Variants in NEK6 observed in about 807,000 individuals in gnomAD.
NEK6 encodes the protein NIMA related kinase 6, also known as serine/threonine-protein kinase Nek6.
Under a neutral mutation model 43.5 loss-of-function variants are expected in NEK6, and 27 were observed. The ratio of observed to expected loss-of-function variants is 0.62; its 90% CI spans 0.46 to 0.86. NEK6 has a LOEUF of 0.86. NEK6 is among the 40% of genes least tolerant of loss of function. The pLI is 0.00. For missense variants in NEK6, 318 were observed against 414.4 expected, an observed-to-expected ratio of 0.77 and a Z score of 2.02; for synonymous variants, 167 against 164.1, an observed-to-expected ratio of 1.02 and a Z score of -0.14.
intron 7 of NEK6, among the ~76,000 whole-genome samples, chr9:124,336,505 CG>C (rs1829297675): frequency 2.0e-5 from 3 of 152,140 alleles, no homozygotes; most frequent in African/African-American, 7.2e-5. Flanking sequence ...GGCCTCGGCC[CG>C]GTGCCTTCTG....
At chr9:124,320,222 G>A (rs1473786417) in intron 4 of NEK6, among the ~76,000 whole-genome samples, 7 of 152,218 alleles carry the variant, frequency 4.6e-5, no homozygotes, top group Non-Finnish European at 1.0e-4. Context: ...ACAGGCAGTG[G>A]GCGCCATAGC....
intron 7 of NEK6, among the ~76,000 whole-genome samples, chr9:124,332,485 C>T (rs984634161): frequency 2.6e-5 from 4 of 152,130 alleles, no homozygotes; most frequent in African/African-American, 9.7e-5. Context: ...CACTGCTGTC[C>T]CCACCTGCCC....
At chr9:124,270,150 A>G (rs566322161) in intron 1 of NEK6, among the ~76,000 whole-genome samples, 2 of 151,732 alleles carry the variant, frequency 1.3e-5, no homozygotes, top group East Asian at 1.9e-4. Context: ...ATCTGCTGCC[A>G]TTGGTCCTGC....
At chr9:124,294,052 C>A (rs1431328103) in intron 1 of NEK6, among the ~76,000 whole-genome samples, 1 of 152,178 alleles carries the variant, frequency 6.6e-6, no homozygotes, top group East Asian at 1.9e-4. Context: ...GACGGGACTT[C>A]CCCAAGGTCC....
chr9:124,289,205 AC>A (rs1832302787), intron 1 of NEK6, among the ~76,000 whole-genome samples: 1 of 92,450 alleles, frequency 1.1e-5, no homozygotes, highest in African/African-American at 4.4e-5. Context: ...ACACACACAC[AC>A]ACACACACAC....
intron 5 of NEK6, among the ~76,000 whole-genome samples, chr9:124,322,622 C>T (rs1834127044): frequency 6.6e-6 from 1 of 152,238 alleles, no homozygotes; most frequent in Non-Finnish European, 1.5e-5. Flanking sequence ...GAGGTCCTCA[C>T]GTCCCTACTG....
At chr9:124,298,917 C>T (rs1306666621) in intron 1 of NEK6, among the ~76,000 whole-genome samples, 1 of 152,168 alleles carries the variant, frequency 6.6e-6, no homozygotes, top group Non-Finnish European at 1.5e-5. Flanking sequence ...TTCCCGGTCC[C>T]CCTTGCACTG....
At chr9:124,314,467 T>TTGGTAGTGGTGG (rs1833713753) in intron 4 of NEK6, among the ~76,000 whole-genome samples, 1 of 151,876 alleles carries the variant, frequency 6.6e-6, no homozygotes, top group Admixed American at 6.6e-5. Context: ...TTTGGTTTTG[T>TTGGTAGTGGTGG]TGGTAGTGGT....
At chr9:124,258,878 C>T (rs1425171214) in intron 1 of NEK6, among the ~76,000 whole-genome samples, 2 of 152,258 alleles carry the variant, frequency 1.3e-5, no homozygotes, top group African/African-American at 2.4e-5. Context: ...GTGGGCCCCT[C>T]GGCCGGGCAC....
chr9:124,301,938 C>G lies in NEK6; in HGVS notation c.-27C>G. On this transcript the variant is annotated splice_region_variant and 5_prime_UTR_variant, in exon 2 of 10. Transcript: ENST00000320246. ...CAGGCCGCTGTTTTCTGTTGCAGTTCGTGCCCTCGTGAGGCTGGCATGCAG... is the reference window on the plus strand; with the variant it reads ...CAGGCCGCTGTTTTCTGTTGCAGTTGGTGCCCTCGTGAGGCTGGCATGCAG... 6.4e-7 allele frequency: 1 copy of G among 1,573,312 alleles called. No individual in the cohort carries two copies. Among genetic ancestry groups the G allele is most frequent in the Non-Finnish European group, 8.6e-7 (1 of 1,158,440 alleles).
chr9:124,268,882 A>T (rs1831320553), intron 1 of NEK6, among the ~76,000 whole-genome samples: 1 of 152,182 alleles, frequency 6.6e-6, no homozygotes, highest in South Asian at 2.1e-4. Context: ...ATGTTATAAT[A>T]ATCTGATGAC....
chr9:124,344,583 G>A (rs111705394), intron 8 of NEK6, among the ~76,000 whole-genome samples: 21 of 152,372 alleles, frequency 1.4e-4, no homozygotes, highest in African/African-American at 4.1e-4. Context: ...AACAATGCCC[G>A]AGCTTGGGAT....
chr9:124,314,100 TA>T (rs1305527797), intron 4 of NEK6, 115 bp downstream of exon 4: 11 of 912,950 alleles, frequency 1.2e-5, no homozygotes, highest in Non-Finnish European at 5.1e-6. Context: ...CAGCCCCTGC[TA>T]AGTTAACAGA....
intron 3 of NEK6, 28 bp from the exon 4 acceptor site, chr9:124,313,895 T>C (rs2130869826): frequency 6.2e-7 from 1 of 1,613,504 alleles, no homozygotes; most frequent in Non-Finnish European, 8.5e-7. Context: ...TTGTAACCAC[T>C]CTATTTCTCT....
chr9:124,344,271 TA>T (rs889064710), intron 8 of NEK6, among the ~76,000 whole-genome samples: 4 of 152,162 alleles, frequency 2.6e-5, no homozygotes, highest in Non-Finnish European at 5.9e-5. Context: ...ATTTGCCCTA[TA>T]AAGTGTCATT....
At chr9:124,306,645 C>G (rs1028104782) in intron 2 of NEK6, among the ~76,000 whole-genome samples, 1 of 152,122 alleles carries the variant, frequency 6.6e-6, no homozygotes, top group African/African-American at 2.4e-5. Context: ...GGGTCCAGGC[C>G]CATGGGACCC....
chr9:124,288,223 G>C (rs1429867427), intron 1 of NEK6, among the ~76,000 whole-genome samples: 1 of 152,246 alleles, frequency 6.6e-6, no homozygotes, highest in Non-Finnish European at 1.5e-5. Flanking sequence ...CGTGAGGGCT[G>C]GTTGTTTATG....
chr9:124,329,336 C>G (rs540804207), intron 7 of NEK6, among the ~76,000 whole-genome samples: 7 of 152,364 alleles, frequency 4.6e-5, no homozygotes, highest in Non-Finnish European at 5.9e-5. Flanking sequence ...CAGCACCGAG[C>G]CTTTCTCTGT....
chr9:124,318,519 G>A (rs1833924043), intron 4 of NEK6, among the ~76,000 whole-genome samples: 1 of 152,158 alleles, frequency 6.6e-6, no homozygotes, highest in South Asian at 2.1e-4. Flanking sequence ...TTATAGGCAT[G>A]AGCCCCTGCA....
Sources: gnomAD v4.1 joint callset for allele counts (sites outside exome capture counted in the v4.1 genomes callset) on GRCh38, gnomAD v4.1.1 for gene constraint, MANE v1.5 for transcripts, NCBI Gene and HGNC (gene_info 2026-07-23, HGNC 2026-07-21) for gene names.